Variants in EML5 observed in about 807,000 individuals in gnomAD.
EML5 encodes the protein echinoderm microtubule-associated protein-like 5.
In EML5, 120 loss-of-function variants were observed where a neutral mutation model predicts 250.0. The ratio of observed to expected loss-of-function variants is 0.48; its 90% CI spans 0.41 to 0.56. EML5 has a LOEUF of 0.56. Among genes scored for constraint, EML5 ranks in the 20% least tolerant of loss-of-function variants. EML5 has a pLI of 0.00. For missense variants in EML5, 2,006 were observed against 2,437.6 expected (o/e 0.82, Z 3.73); for synonymous variants, 771 against 806.5 (o/e 0.96, Z 0.75).
intron 1 of EML5, among the ~76,000 whole-genome samples, chr14:88,762,691 A>T (rs1439786221): frequency 6.6e-6 from 1 of 152,156 alleles, no homozygotes; most frequent in Non-Finnish European, 1.5e-5. Flanking sequence ...TCTCCACCCC[A>T]AATCAACAGA....
chr14:88,775,235 G>C (rs117224033), intron 1 of EML5, among the ~76,000 whole-genome samples: 1,689 of 152,326 alleles, frequency 0.011, 22 homozygotes, highest in Non-Finnish European at 0.018. Flanking sequence ...GAAAAGCGGA[G>C]TGAAAAGTAA....
rs1219652428 is a variant in EML5 at position 88,740,516 on chromosome 14, C to T, written c.582G>A (p.Thr194=). ...GGCACAGTATTGTCTGAAGGTCACC[C>T]GTCTTACCAAAGACACCTCGTTTTG... ...LTPKRGVFGK[T]GDLQTILCLA... Residue 194 remains threonine, a synonymous_variant, in exon 5 of 44, where the codon ACG becomes ACA. Transcript: ENST00000554922. The T allele has an allele frequency of 1.7e-5, 27 of 1,613,460 alleles. No individual in the cohort carries two copies. The highest frequency in any genetic ancestry group is 1.6e-4 in the Middle Eastern group (1 of 6,082).
intron 36 of EML5, chr14:88,623,114 C>T (rs1345033837): frequency 1.3e-5 from 2 of 152,164 alleles, no homozygotes; most frequent in African/African-American, 2.4e-5. Context: ...CTCCCAGGTT[C>T]AAGCGATTCT....
At chr14:88,727,206 A>G (rs970066769) in intron 7 of EML5, among the ~76,000 whole-genome samples, 11 of 152,076 alleles carry the variant, frequency 7.2e-5, no homozygotes, top group Non-Finnish European at 1.6e-4. Flanking sequence ...TTTTCCTCTT[A>G]TGTCAACATG....
intron 10 of EML5, among the ~76,000 whole-genome samples, chr14:88,706,720 C>T (rs1391599566): frequency 6.6e-6 from 1 of 152,168 alleles, no homozygotes; most frequent in Non-Finnish European, 1.5e-5. Flanking sequence ...TGGCCTGAGG[C>T]CTTTGGGCTT....
chr14:88,715,038 CCAAA>C lies in EML5; in HGVS notation c.1341_1344del (p.Cys447TrpfsTer39). 1 of 1,613,814 alleles carries C rather than the reference CCAAA, an allele frequency of 6.2e-7. No individual in the cohort carries two copies. Among genetic ancestry groups the C allele is most frequent in the Non-Finnish European group, 8.5e-7 (1 of 1,179,832 alleles). ...AGATGAGTGATGAAACTAAGGGATC[CCAAA>C]CACTCGCCAACTTTTTTATAACGCT... On this transcript the variant is annotated frameshift_variant, in exon 9 of 44. Coordinates refer to ENST00000554922, the MANE Select transcript of EML5 (RefSeq NM_183387.3). LOFTEE classifies it high-confidence loss of function.
At chr14:88,746,710 T>G (rs924319906) in intron 2 of EML5, among the ~76,000 whole-genome samples, 2 of 152,150 alleles carry the variant, frequency 1.3e-5, no homozygotes, top group African/African-American at 4.8e-5. Context: ...GTACCCCTGA[T>G]TTCTGTGCTG....
intron 10 of EML5, among the ~76,000 whole-genome samples, chr14:88,706,834 C>T (rs1444744433): frequency 6.6e-6 from 1 of 152,088 alleles, no homozygotes; most frequent in African/African-American, 2.4e-5. Context: ...AAAATATTAG[C>T]AAAATGAATT....
intron 2 of EML5, among the ~76,000 whole-genome samples, chr14:88,750,668 A>C (rs959139794): frequency 8.5e-5 from 13 of 152,216 alleles, no homozygotes; most frequent in Non-Finnish European, 1.3e-4. Flanking sequence ...TTTACTATTT[A>C]AACTCCAAAA....
intron 28 of EML5, among the ~76,000 whole-genome samples, chr14:88,649,462 C>CA (rs2091517928): frequency 6.6e-6 from 1 of 152,146 alleles, no homozygotes; most frequent in Non-Finnish European, 1.5e-5. Flanking sequence ...AAAAGTAACC[C>CA]AAAGAGTCTT....
chr14:88,791,818 G>C (rs1346787480), intron 1 of EML5, among the ~76,000 whole-genome samples: 3 of 152,092 alleles, frequency 2.0e-5, no homozygotes, highest in African/African-American at 4.8e-5. Flanking sequence ...TAATAATTAC[G>C]GCCAGGAGGT....
chr14:88,661,655 T>G lies in EML5; in HGVS notation c.3674A>C (p.Lys1225Thr). 6.2e-7 allele frequency: 1 copy of G among 1,611,198 alleles called. No individual in the cohort carries two copies. ...GGAAAGTTAAAGAAAAACACATACT[T>G]TAGTAGGATATCTAAATAACTTCAC... is the stretch of plus-strand genomic sequence containing the variant. ...GFVKLFRYPT[K>T]GKFGKFKRYV... is the part of the protein sequence containing the mutation. The change falls in exon 25 of 44, where the codon AAA becomes ACA. Residue 1225 changes from lysine to threonine, a missense_variant and splice_region_variant. Lys to Thr is a moderately conservative substitution (Grantham distance 78, BLOSUM62 -1). Transcript: ENST00000554922.
chr14:88,718,561 C>A (rs937584605), intron 8 of EML5, among the ~76,000 whole-genome samples: 19 of 152,140 alleles, frequency 1.2e-4, no homozygotes, highest in African/African-American at 4.3e-4. Context: ...GAAATTCAAG[C>A]TAAATGAGAA....
intron 31 of EML5, among the ~76,000 whole-genome samples, chr14:88,640,503 G>A (rs185861965): frequency 2.1e-3 from 324 of 152,208 alleles, no homozygotes; most frequent in Non-Finnish European, 3.2e-3. Flanking sequence ...CTTCAAAGTA[G>A]ATTAAAACAG....
chr14:88,619,696 T>C (rs2140289213), intron 39 of EML5: 1 of 152,342 alleles, frequency 6.6e-6, no homozygotes, highest in Admixed American at 6.5e-5. Context: ...TTTTTTTTTT[T>C]TGAGACGAAG....
In EML5 at chr14:88,629,924, T is replaced by C. The variant is rs376370920; in HGVS notation, c.4358-2105A>G. 8.5e-5 allele frequency among the ~76,000 whole-genome samples: 13 copies of C among 152,150 alleles called. No individual in the cohort carries two copies. In the East Asian group the frequency reaches 2.1e-3, roughly 25 times the overall value. ...GTTTCCAGTATAGAGATGCCATAAG[T>C]GTCTCTTTAAATTTTTAATTGGGTC... On this transcript the variant is annotated intron_variant, in intron 33 of 43. Coordinates refer to ENST00000554922, the MANE Select transcript of EML5 (RefSeq NM_183387.3).
intron 1 of EML5, among the ~76,000 whole-genome samples, chr14:88,789,010 C>T (rs912834654): frequency 1.5e-4 from 22 of 150,852 alleles, no homozygotes; most frequent in African/African-American, 5.1e-4. Context: ...ATACAGTGAG[C>T]AGTGATTGCA....
At chr14:88,723,678 T>C (rs1032709915) in intron 8 of EML5, among the ~76,000 whole-genome samples, 1 of 152,222 alleles carries the variant, frequency 6.6e-6, no homozygotes, top group African/African-American at 2.4e-5. Flanking sequence ...ACAAAGTATA[T>C]GTATAACCAA....
At chr14:88,748,067 G>C (rs1388302569) in intron 2 of EML5, among the ~76,000 whole-genome samples, 1 of 152,140 alleles carries the variant, frequency 6.6e-6, no homozygotes, top group Non-Finnish European at 1.5e-5. Flanking sequence ...GGCACAGAAA[G>C]GTGGAATCCA....
Sources: gnomAD v4.1 joint callset for allele counts (sites outside exome capture counted in the v4.1 genomes callset) on GRCh38, gnomAD v4.1.1 for gene constraint, MANE v1.5 for transcripts, NCBI Gene and HGNC (gene_info 2026-07-23, HGNC 2026-07-21) for gene names.